Variants in GTPBP10 observed in about 807,000 individuals in gnomAD.
The protein encoded by GTPBP10 is GTP-binding protein 10.
A neutral mutation model predicts 44.8 loss-of-function variants in GTPBP10; 38 were observed. The ratio of observed to expected loss-of-function variants is 0.85; its 90% CI spans 0.65 to 1.11. GTPBP10 has a LOEUF of 1.11. Among genes scored for constraint, GTPBP10 ranks in the 50% most tolerant of loss-of-function variants. The probability of loss-of-function intolerance (pLI) is 0.00; values close to 1 mark genes in which losing one functional copy is unlikely to be tolerated. For missense variants in GTPBP10, 462 were observed against 453.7 expected, an observed-to-expected ratio of 1.02 and a Z score of -0.17; for synonymous variants, 152 against 150.6, an observed-to-expected ratio of 1.01 and a Z score of -0.07.
rs995127065 is a variant in GTPBP10 at position 90,389,331 on chromosome 7, G to C, written c.*4177G>C. 5.9e-5 allele frequency: 9 copies of C among 152,098 alleles called. No homozygotes were observed. Among genetic ancestry groups the C allele is most frequent in the Non-Finnish European group, 1.2e-4 (8 of 67,984 alleles). 9.4% of individuals were successfully genotyped at this position (152,098 alleles called of 1,614,324 possible). ...CTAGCGATGTCATTTTTTTAAAGTTGGATGGTGAATACATGAGTTGTTTTT... is the reference window on the plus strand; with the variant it reads ...CTAGCGATGTCATTTTTTTAAAGTTCGATGGTGAATACATGAGTTGTTTTT... On this transcript the variant is annotated 3_prime_UTR_variant, in exon 10 of 10. Coordinates refer to ENST00000222511, the MANE Select transcript of GTPBP10 (RefSeq NM_033107.4).
At chr7:90,357,421 T>C (rs2115638310) in intron 4 of GTPBP10, among the ~76,000 whole-genome samples, 1 of 152,300 alleles carries the variant, frequency 6.6e-6, no homozygotes, top group South Asian at 2.1e-4. Flanking sequence ...GAAAAAACTA[T>C]ATGTTCCAGG....
chr7:90,372,652 C>T (rs190302963), intron 5 of GTPBP10, among the ~76,000 whole-genome samples: 1 of 152,082 alleles, frequency 6.6e-6, no homozygotes, highest in Non-Finnish European at 1.5e-5. Flanking sequence ...CTATACCCCT[C>T]AGCAAAGTTG....
intron 6 of GTPBP10, among the ~76,000 whole-genome samples, chr7:90,374,933 A>G (rs940409651): frequency 6.6e-6 from 1 of 152,238 alleles, no homozygotes; most frequent in Non-Finnish European, 1.5e-5. Flanking sequence ...CTGCACATGG[A>G]TGCTTATAGC....
intron 5 of GTPBP10, 114 bp downstream of exon 5, chr7:90,372,342 T>C: frequency 1.4e-6 from 1 of 724,030 alleles, no homozygotes; most frequent in Non-Finnish European, 2.2e-6. Context: ...CTGAAAAATT[T>C]TTGGCAGATA....
intron 4 of GTPBP10, among the ~76,000 whole-genome samples, chr7:90,358,515 G>C (rs886123089): frequency 6.6e-6 from 1 of 152,074 alleles, no homozygotes; most frequent in African/African-American, 2.4e-5. Flanking sequence ...ACATAAACTG[G>C]GGAAAGGATA....
chr7:90,375,070 C>T (rs549514516), intron 6 of GTPBP10, among the ~76,000 whole-genome samples: 1 of 152,060 alleles, frequency 6.6e-6, no homozygotes, highest in African/African-American at 2.4e-5. Flanking sequence ...GCTATCAAGC[C>T]TCAAAAAGAC....
At chr7:90,382,781 C>T (rs1796454971) in intron 8 of GTPBP10, among the ~76,000 whole-genome samples, 175 bp from the exon 9 acceptor site, 1 of 152,220 alleles carries the variant, frequency 6.6e-6, no homozygotes, top group South Asian at 2.1e-4. Flanking sequence ...CATACTAACA[C>T]ATGACTTAAC....
chr7:90,374,200 A>G, intron 5 of GTPBP10, 102 bp from the exon 6 acceptor site: 1 of 830,956 alleles, frequency 1.2e-6, no homozygotes, highest in East Asian at 2.5e-5. Flanking sequence ...TTAGAACAAA[A>G]TCTGAATTGA....
rs190449167 is a variant in GTPBP10 at position 90,365,774 on chromosome 7, G to A, written c.465-6381G>A. The stretch of plus-strand genomic sequence containing the variant: ...CCTTTATTTCTCTCTCTTGCCTGAC[G>A]GCCCTGGCCAAAACTTCCAACACTG... On this transcript the variant is annotated intron_variant, in intron 4 of 9. Transcript: ENST00000222511. Among the ~76,000 whole-genome samples the A allele has an allele frequency of 8.3e-3, 1,265 of 152,204 alleles. 15 individuals are homozygous for A. The highest frequency in any genetic ancestry group is 0.029 in the African/African-American group (1,187 of 41,530).
intron 4 of GTPBP10, among the ~76,000 whole-genome samples, chr7:90,359,380 G>C (rs1211323633): frequency 6.6e-6 from 1 of 152,030 alleles, no homozygotes; most frequent in Non-Finnish European, 1.5e-5. Flanking sequence ...TTAAGAGTGA[G>C]AACATGCAAT....
At chr7:90,362,404 C>T (rs79173751) in intron 4 of GTPBP10, among the ~76,000 whole-genome samples, 22 of 152,160 alleles carry the variant, frequency 1.4e-4, no homozygotes, top group Non-Finnish European at 4.4e-5. Context: ...AGTAGTCATT[C>T]AGGAGCAGGT....
At chr7:90,370,335 A>AGTGTGTGTGT (rs33997739) in intron 4 of GTPBP10, among the ~76,000 whole-genome samples, 59 of 149,330 alleles carry the variant, frequency 4.0e-4, no homozygotes, top group African/African-American at 1.2e-3. Context: ...AAGAAAATTG[A>AGTGTGTGTGT]GTGTGTGTGT....
In GTPBP10 at chr7:90,389,679, A is replaced by C. The variant is rs1796583517; in HGVS notation, c.*4525A>C. On this transcript the variant is annotated 3_prime_UTR_variant, in exon 10 of 10. Coordinates refer to ENST00000222511, the MANE Select transcript of GTPBP10 (RefSeq NM_033107.4). The stretch of plus-strand genomic sequence containing the variant: ...AGTTTATAACTCAAGAATTAATGAG[A>C]TAAACAGTGGACAAAAAGTGTTGGC... 6.6e-6 allele frequency: 1 copy of C among 152,234 alleles called. No individual in the cohort carries two copies. The highest frequency in any genetic ancestry group is 2.1e-4 in the South Asian group (1 of 4,832). The allele number at this position is 152,234 out of a possible 1,614,324, so 9.4% of individuals were successfully genotyped here.
intron 6 of GTPBP10, among the ~76,000 whole-genome samples, chr7:90,374,890 A>G (rs1013332431): frequency 6.6e-6 from 1 of 152,216 alleles, no homozygotes; most frequent in African/African-American, 2.4e-5. Flanking sequence ...GCATTTACCC[A>G]TGTACATTGA....
intron 4 of GTPBP10, among the ~76,000 whole-genome samples, chr7:90,359,729 A>G (rs998691703): frequency 2.0e-5 from 3 of 152,192 alleles, no homozygotes; most frequent in Admixed American, 6.5e-5. Flanking sequence ...TGTCTTCCAC[A>G]ATGGTTGAAC....
rs1795859272 is a variant in GTPBP10 at position 90,354,643 on chromosome 7, T to A, written c.319+94T>A. 4 of 648,616 alleles carry A rather than the reference T, an allele frequency of 6.2e-6. No individual in the cohort carries two copies. The South Asian group carries it at 9.1e-5, about 15-fold the overall frequency. 40.2% of individuals were successfully genotyped at this position (648,616 alleles called of 1,614,324 possible). A position where few individuals can be genotyped will look rare whatever the true frequency, so the allele number is the denominator to read the frequency against. On this transcript the variant is annotated intron_variant, in intron 3 of 9. Transcript: ENST00000222511. ...TTCTCTTGAGTTTCAGAAGATTTTT[T>A]AACTAACAATTTTAGCTACTATTCT... is the stretch of plus-strand genomic sequence containing the variant.
At position 90,379,844 on chromosome 7, in the gene GTPBP10, G is replaced by A. The variant is rs545284613; in HGVS notation, c.777+1633G>A. 9.2e-5 allele frequency among the ~76,000 whole-genome samples: 14 copies of A among 152,204 alleles called. No individual in the cohort carries two copies. The East Asian group carries it at 2.1e-3, about 23-fold the overall frequency. On this transcript the variant is annotated intron_variant, in intron 8 of 9. Transcript: ENST00000222511. ...ATGTCAACACTTGTTATTGTCTGTC[G>A]TTTTTACTTTAGTCATCCTAGTGGG... is the stretch of plus-strand genomic sequence containing the variant.
intron 5 of GTPBP10, among the ~76,000 whole-genome samples, chr7:90,372,719 TA>T (rs1288479961): frequency 6.6e-6 from 1 of 152,118 alleles, no homozygotes; most frequent in Non-Finnish European, 1.5e-5. Context: ...CAGAATCGTT[TA>T]TTTGGTTTAG....
At chr7:90,354,383 C>G (rs1795851719) in intron 2 of GTPBP10, 75 bp from the exon 3 acceptor site, 1 of 621,102 alleles carries the variant, frequency 1.6e-6, no homozygotes, top group Admixed American at 3.2e-5. Flanking sequence ...TCTTTGTAAA[C>G]CATTTTGTGT....
Sources: allele counts gnomAD v4.1 joint callset (sites outside exome capture counted in the v4.1 genomes callset), GRCh38; gene constraint gnomAD v4.1.1; transcripts MANE v1.5; gene names NCBI Gene and HGNC (gene_info 2026-07-23, HGNC 2026-07-21).